C4orf51: variants seen among roughly 807,000 people sequenced by gnomAD.
C4orf51 encodes uncharacterized protein C4orf51.
Under a neutral mutation model 25.2 loss-of-function variants are expected in C4orf51, and 25 were observed. The observed-to-expected ratio is 0.99, with a 90% CI of 0.72 to 1.39. The LOEUF is 1.39. C4orf51 is among the 40% of genes most tolerant of loss of function. C4orf51 has a pLI of 0.00. For synonymous variants in C4orf51, 100 were observed against 84.5 expected (o/e 1.18, Z -1.01); for missense variants, 252 against 239.6 (o/e 1.05, Z -0.34).
At chr4:145,687,585 A>G (rs953558367) in intron 1 of C4orf51, among the ~76,000 whole-genome samples, 1 of 152,386 alleles carries the variant, frequency 6.6e-6, no homozygotes, top group Non-Finnish European at 1.5e-5. Context: ...TAGGGGGAAC[A>G]CAAACCCAGA....
At chr4:145,787,464 GAAAAAAAA>G in the C4orf51 span, among the ~76,000 whole-genome samples, 1 of 83,216 alleles carries the variant, frequency 1.2e-5, no homozygotes, top group African/African-American at 4.4e-5. Flanking sequence ...TCCGTCTCAG[GAAAAAAAA>G]AAAAAAAAAA....
rs1261166428 is a variant in C4orf51 at position 145,699,440 on chromosome 4, G to C, written c.307+2808G>C. On this transcript the variant is annotated intron_variant, in intron 2 of 5. Transcript: ENST00000438731. ...ATCCGGTAAGCGGCCTCTTTTTACT[G>C]TCTTCTCCAACCTCCCTCACTATCC... Among the ~76,000 whole-genome samples, 12 of 151,926 alleles carry C rather than the reference G, an allele frequency of 7.9e-5. 1 individual carries two copies. Among genetic ancestry groups the C allele is most frequent in the Admixed American group, 4.6e-4 (7 of 15,254 alleles).
chr4:145,779,239 G>A, the C4orf51 span: 1 of 1,202,492 alleles, frequency 8.3e-7, no homozygotes, highest in South Asian at 1.8e-5. Flanking sequence ...AAACATGCCA[G>A]AGAAAATGGC....
chr4:145,681,639 G>A (rs1239237476), intron 1 of C4orf51, among the ~76,000 whole-genome samples: 1 of 152,166 alleles, frequency 6.6e-6, no homozygotes, highest in African/African-American at 2.4e-5. Context: ...TTGGCTCAGG[G>A]TTATTGGAGA....
Position 145,706,796 on chromosome 4 carries a change from C to G in C4orf51, c.307+10164C>G, listed in dbSNP as rs182308497. On this transcript the variant is annotated intron_variant, in intron 2 of 5. Transcript: ENST00000438731. ...GCTGGGACTACAAGGTTCCCACCAC[C>G]ATGCCCGGCTAATTTTTTTTTTTTT... Among the ~76,000 whole-genome samples, 483 of 147,832 alleles carry G rather than the reference C, an allele frequency of 3.3e-3. 5 individuals carry two copies. Among genetic ancestry groups the G allele is most frequent in the Admixed American group, 0.025 (370 of 14,610 alleles).
intron 1 of C4orf51, among the ~76,000 whole-genome samples, chr4:145,685,381 A>G (rs1729084761): frequency 6.6e-6 from 1 of 152,208 alleles, no homozygotes; most frequent in Non-Finnish European, 1.5e-5. Context: ...AATTCCTCAG[A>G]CAGCGAGTTA....
chr4:145,690,763 C>T (rs962762096), intron 1 of C4orf51, among the ~76,000 whole-genome samples: 3 of 152,100 alleles, frequency 2.0e-5, no homozygotes, highest in Non-Finnish European at 4.4e-5. Context: ...CCAGAATCCA[C>T]AAGGAACTTA....
At chr4:145,758,438 C>T (rs1734126775), downstream of C4orf51, 1 of 152,206 alleles carries the variant, frequency 6.6e-6, no homozygotes, top group Non-Finnish European at 1.5e-5. Flanking sequence ...CCTGCTGGTG[C>T]TTAAGTGTGA....
chr4:145,781,195 CAAAAAAAAAAA>C, the C4orf51 span, among the ~76,000 whole-genome samples: 6 of 56,546 alleles, frequency 1.1e-4, no homozygotes, highest in South Asian at 1.1e-3. Flanking sequence ...GACACCATCT[CAAAAAAAAAAA>C]AAAAAAAAAA....
chr4:145,684,765 T>G (rs1056914803), intron 1 of C4orf51, among the ~76,000 whole-genome samples: 13 of 152,044 alleles, frequency 8.6e-5, no homozygotes, highest in Admixed American at 8.5e-4. Flanking sequence ...AAACTGCTCT[T>G]AGAAAAAAAG....
At chr4:145,742,457 A>G (rs989678445) in intron 1 of C4orf51, among the ~76,000 whole-genome samples, 1 of 151,770 alleles carries the variant, frequency 6.6e-6, no homozygotes, top group Non-Finnish European at 1.5e-5. Context: ...TGCTCCAACA[A>G]GTCTCATCAT....
the C4orf51 span, among the ~76,000 whole-genome samples, chr4:145,788,223 T>C: frequency 1.3e-5 from 2 of 152,238 alleles, no homozygotes; most frequent in African/African-American, 4.8e-5. Context: ...ATTTGTATCG[T>C]AAAGAACTGT....
chr4:145,722,379 TA>T (rs1403223829), intron 2 of C4orf51, among the ~76,000 whole-genome samples: 1 of 152,218 alleles, frequency 6.6e-6, no homozygotes, highest in Non-Finnish European at 1.5e-5. Flanking sequence ...CTCCTATGGA[TA>T]AGAATGTTCT....
At chr4:145,687,834 G>A (rs539182936) in intron 1 of C4orf51, among the ~76,000 whole-genome samples, 3 of 152,254 alleles carry the variant, frequency 2.0e-5, no homozygotes, top group Admixed American at 1.3e-4. Context: ...AGTAATACAG[G>A]TGGGAGGGAG....
At chr4:145,733,558 C>G (rs1275252821), downstream of C4orf51, among the ~76,000 whole-genome samples, 3 of 152,220 alleles carry the variant, frequency 2.0e-5, no homozygotes, top group Non-Finnish European at 4.4e-5. Context: ...CCCCACACCC[C>G]CTTCCGTTTA....
At chr4:145,753,504 AC>A (rs1317884538) in intron 1 of C4orf51, among the ~76,000 whole-genome samples, 4 of 151,878 alleles carry the variant, frequency 2.6e-5, no homozygotes, top group Non-Finnish European at 4.4e-5. Flanking sequence ...AACAGAGAAA[AC>A]CCCTATGCTG....
intron 2 of C4orf51, among the ~76,000 whole-genome samples, chr4:145,721,466 G>A (rs1415895933): frequency 1.3e-5 from 2 of 152,104 alleles, no homozygotes; most frequent in Non-Finnish European, 2.9e-5. Flanking sequence ...GTGACTGCCA[G>A]CACACCCCAG....
At chr4:145,739,403 C>A (rs1018262601) in intron 1 of C4orf51, among the ~76,000 whole-genome samples, 1 of 152,168 alleles carries the variant, frequency 6.6e-6, no homozygotes, top group Non-Finnish European at 1.5e-5. Flanking sequence ...CTTGGTCCAC[C>A]CATAGAAGTT....
At chr4:145,776,097 G>T in the C4orf51 span, 1 of 946,830 alleles carries the variant, frequency 1.1e-6, no homozygotes, top group Non-Finnish European at 1.6e-6. Context: ...GTAATGCCTA[G>T]GAATTGTAAG....
Sources: allele counts gnomAD v4.1 joint callset (sites outside exome capture counted in the v4.1 genomes callset), GRCh38; gene constraint gnomAD v4.1.1; transcripts MANE v1.5; gene names NCBI Gene and HGNC (gene_info 2026-07-23, HGNC 2026-07-21).